ZNF471: variants seen among roughly 807,000 people sequenced by gnomAD.
ZNF471 encodes the protein EZFIT-related protein 1.
ZNF471 carries 7 observed loss-of-function variants against 13.7 expected under a neutral mutation model. The ratio of observed to expected loss-of-function variants is 0.51; its 90% CI spans 0.29 to 0.96. ZNF471 has a LOEUF of 0.96. Ranked by LOEUF, ZNF471 falls within the 40% of genes least tolerant of loss-of-function variation. The probability of loss-of-function intolerance (pLI) is 0.08; values close to 1 mark genes in which losing one functional copy is unlikely to be tolerated. For synonymous variants in ZNF471, 218 were observed against 235.6 expected (o/e 0.93, Z 0.68); for missense variants, 663 against 743.3 (o/e 0.89, Z 1.26).
rs113307159 is a variant in ZNF471 at position 56,526,741 on chromosome 19, G to T, written c.*793G>T. ...ACAGCGTAAACAAAGCCATGGGGAA[G>T]TTCCAGCTGAGCAGAGCCCTCCACA... is the stretch of plus-strand genomic sequence containing the variant. On this transcript the variant is annotated 3_prime_UTR_variant, in exon 5 of 5. Transcript: ENST00000308031. 2 of 152,350 alleles carry T rather than the reference G, an allele frequency of 1.3e-5. No homozygotes were observed. Among genetic ancestry groups the T allele is most frequent in the Admixed American group, 6.5e-5 (1 of 15,298 alleles). The allele number at this position is 152,350 out of a possible 1,614,324, so 9.4% of individuals were successfully genotyped here.
rs1345994158 is a variant in ZNF471, at chr19:56,525,044, C to G, written c.977C>G (p.Ala326Gly). ...TATGAATGTAAAGAATGTGGCAAAGCCTTCAGTGATGGCTCGTCTTTTGCT... is the reference window on the plus strand; with the variant it reads ...TATGAATGTAAAGAATGTGGCAAAGGCTTCAGTGATGGCTCGTCTTTTGCT... The part of the protein sequence containing the change: ...KPYECKECGK[A>G]FSDGSSFARH... The change falls in exon 5 of 5, where the codon GCC (alanine) becomes GGC (glycine). Residue 326 changes from alanine to glycine, a missense_variant. By Grantham distance (60) the Ala-to-Gly change is moderately conservative. Transcript: ENST00000308031. The G allele has an allele frequency of 6.2e-7, 1 of 1,613,720 alleles. No individual in the cohort carries two copies. The highest frequency in any genetic ancestry group is 8.5e-7 in the Non-Finnish European group (1 of 1,179,918).
At chr19:56,521,630 C>T (rs1227710795) in intron 4 of ZNF471, among the ~76,000 whole-genome samples, 1 of 112,918 alleles carries the variant, frequency 8.9e-6, no homozygotes, top group Non-Finnish European at 1.7e-5. Flanking sequence ...CAGAGCAAGA[C>T]TCTGTCTCAA....
chr19:56,510,993 G>T lies in ZNF471; in HGVS notation c.-55-524G>T. On this transcript the variant is annotated intron_variant, in intron 1 of 4. Coordinates refer to ENST00000308031, the MANE Select transcript of ZNF471 (RefSeq NM_020813.4). This position sits in a 1 kb window ranked among gnomAD's most constrained non-coding sequence, Gnocchi z 4.3. Reference sequence around the variant, plus strand: ...TTCAGGGTGAGGAAAGTGAAACAGTGCCGGGGGGTGGGTCAGGGATGCAGT... The same window carrying T: ...TTCAGGGTGAGGAAAGTGAAACAGTTCCGGGGGGTGGGTCAGGGATGCAGT... 1.0e-6 allele frequency: 1 copy of T among 983,144 alleles called. No homozygotes were observed. The highest frequency in any genetic ancestry group is 4.7e-5 in the South Asian group (1 of 21,296). The allele number at this position is 983,144 out of a possible 1,614,324, so 60.9% of individuals were successfully genotyped here. A position where few individuals can be genotyped will look rare whatever the true frequency, so the allele number is the denominator to read the frequency against.
In ZNF471 at chr19:56,523,765, C is replaced by T. The variant is rs188440927; in HGVS notation, c.257-559C>T. On this transcript the variant is annotated intron_variant, in intron 4 of 4. Coordinates refer to ENST00000308031, the MANE Select transcript of ZNF471 (RefSeq NM_020813.4). ...AGGTCAATACAGGCATGAAATATTA[C>T]CATTGCAGACTACTTCTCTAGGATT... 2.0e-5 allele frequency among the ~76,000 whole-genome samples: 3 copies of T among 152,230 alleles called. No individual in the cohort carries two copies. The East Asian group carries it at 5.8e-4, about 29-fold the overall frequency.
rs759157669 is a variant in ZNF471, at chr19:56,524,809, C to T, written c.742C>T (p.His248Tyr). The change falls in exon 5 of 5, where the codon CAC becomes TAC. Residue 248 changes from histidine (H) to tyrosine (Y), a missense_variant. Coordinates refer to ENST00000308031, the MANE Select transcript of ZNF471 (RefSeq NM_020813.4). The surrounding 1 kb of genome is among the most constrained non-coding windows in gnomAD (Gnocchi z 4.8). ...TGGAAAAGCCTTCAAGCAAAGGCAA[C>T]ACCTTGCTCAACATCACAGAACACA... ...ECGKAFKQRQHLAQHHRTHTG... is the reference protein window; with the variant it reads ...ECGKAFKQRQYLAQHHRTHTG... 1.8e-5 allele frequency: 29 copies of T among 1,612,964 alleles called. No homozygotes were observed. In the Admixed American group the frequency reaches 2.7e-4, roughly 15 times the overall value.
At position 56,527,637 on chromosome 19, in the gene ZNF471, C is replaced by T. The variant is rs1368334057; in HGVS notation, c.*1689C>T. On this transcript the variant is annotated 3_prime_UTR_variant, in exon 5 of 5. Transcript: ENST00000308031. The stretch of plus-strand genomic sequence containing the variant: ...CAGTTTAGAGAAGAACATAAATGAC[C>T]TGATGGAGCTGAAAAACACAGCATG... 2 of 152,164 alleles carry T rather than the reference C, an allele frequency of 1.3e-5. No homozygotes were observed. Among genetic ancestry groups the T allele is most frequent in the Non-Finnish European group, 2.9e-5 (2 of 68,034 alleles). The allele number at this position is 152,164 out of a possible 1,614,324, so 9.4% of individuals were successfully genotyped here.
At chr19:56,511,378 G>T in intron 1 of ZNF471, 139 bp from the exon 2 acceptor site, 1 of 581,372 alleles carries the variant, frequency 1.7e-6, no homozygotes, top group Non-Finnish European at 2.9e-6. Flanking sequence ...ATGAGTTTTA[G>T]CCCTTCAGTG....
chr19:56,518,208 C>T (rs1023652282), intron 3 of ZNF471, among the ~76,000 whole-genome samples: 22 of 152,158 alleles, frequency 1.4e-4, no homozygotes, highest in Admixed American at 1.4e-3. Context: ...TTTCTAGGGA[C>T]CTTTTAAAAT....
At position 56,524,504 on chromosome 19, in the gene ZNF471, T is replaced by G. The variant is rs2044016972; in HGVS notation, c.437T>G (p.Ile146Arg). ...CATGAGATGTTTAGCAAGAAAGAAA[T>G]AATCACTCATAAAGAAACCATCACT... ...GSHEMFSKKE[I>R]ITHKETITKE... The change falls in exon 5 of 5, where the codon ATA becomes AGA. Residue 146 changes from isoleucine to arginine, a missense_variant. Transcript: ENST00000308031. This position sits in a 1 kb window ranked among gnomAD's most constrained non-coding sequence, Gnocchi z 4.8. The G allele has an allele frequency of 1.2e-6, 2 of 1,608,952 alleles. No individual in the cohort carries two copies. The highest frequency in any genetic ancestry group is 1.7e-6 in the Non-Finnish European group (2 of 1,178,706).
rs751154063 is a variant in ZNF471 at position 56,525,700 on chromosome 19, T to C, written c.1633T>C (p.Cys545Arg). 6.8e-6 allele frequency: 11 copies of C among 1,613,862 alleles called. No homozygotes were observed. The highest frequency in any genetic ancestry group is 1.7e-5 in the Admixed American group (1 of 60,010). The change falls in exon 5 of 5, where the codon TGT (cysteine) becomes CGT (arginine). Residue 545 changes from cysteine to arginine, a missense_variant. Cys to Arg is a radical substitution (Grantham distance 180). Transcript: ENST00000308031. ...TCATACAGGAGAGAAACCTTATGAGTGTAATGAATGCGGGAAAGCCTTCAG... is the reference window on the plus strand; with the variant it reads ...TCATACAGGAGAGAAACCTTATGAGCGTAATGAATGCGGGAAAGCCTTCAG... Reference protein sequence around the residue: ...KTHTGEKPYECNECGKAFSQT... With the variant: ...KTHTGEKPYERNECGKAFSQT...
rs2043981377 is a variant in ZNF471 at position 56,522,052 on chromosome 19, C to T, written c.257-2272C>T. On this transcript the variant is annotated intron_variant, in intron 4 of 4. Transcript: ENST00000308031. The surrounding 1 kb of genome is among the most constrained non-coding windows in gnomAD (Gnocchi z 4.1). Reference sequence around the variant, plus strand: ...TTGTGCTTCAGTTGCCTATAGTATTCAGTGGTAACATGTTGTGCAGGCTTG... The same window carrying T: ...TTGTGCTTCAGTTGCCTATAGTATTTAGTGGTAACATGTTGTGCAGGCTTG... Among the ~76,000 whole-genome samples the T allele has an allele frequency of 6.6e-6, 1 of 152,156 alleles. No homozygotes were observed.
chr19:56,524,458 T>G lies in ZNF471; in HGVS notation c.391T>G (p.Phe131Val), dbSNP rs1176281522. 5 of 1,613,740 alleles carry G rather than the reference T, an allele frequency of 3.1e-6. No individual in the cohort carries two copies. Among genetic ancestry groups the G allele is most frequent in the Non-Finnish European group, 4.2e-6 (5 of 1,179,960 alleles). ...AGAAAATTGGAAATGGGAAGACCTTTTTGAGAAGCAGATGGGAAGTCATGA... is the reference window on the plus strand; with the variant it reads ...AGAAAATTGGAAATGGGAAGACCTTGTTGAGAAGCAGATGGGAAGTCATGA... The part of the protein sequence containing the change: ...FEENWKWEDL[F>V]EKQMGSHEMF... Residue 131 changes from phenylalanine (F) to valine (V), a missense_variant, in exon 5 of 5, where the codon TTT becomes GTT. Transcript: ENST00000308031. The surrounding 1 kb of genome is among the most constrained non-coding windows in gnomAD (Gnocchi z 4.8).
At position 56,508,649 on chromosome 19, in the gene ZNF471, CTG is replaced by C. The variant is rs1429245249; in HGVS notation, c.-56+732_-56+733del. Among the ~76,000 whole-genome samples the C allele has an allele frequency of 6.6e-6, 1 of 151,236 alleles. No homozygotes were observed. On this transcript the variant is annotated intron_variant, in intron 1 of 4. Coordinates refer to ENST00000308031, the MANE Select transcript of ZNF471 (RefSeq NM_020813.4). This position sits in a 1 kb window ranked among gnomAD's most constrained non-coding sequence, Gnocchi z 4.7. Reference sequence around the variant, plus strand: ...GACTGTGCAAGAACAGAGTGTGAGACTGTGGTATGTTAATGTGTGAAAGGGAG... The same window carrying C: ...GACTGTGCAAGAACAGAGTGTGAGACTGGTATGTTAATGTGTGAAAGGGAG...
intron 2 of ZNF471, among the ~76,000 whole-genome samples, chr19:56,514,059 A>ATTTTTTTTT (rs57705988): frequency 2.6e-5 from 3 of 116,674 alleles, no homozygotes; most frequent in Non-Finnish European, 3.5e-5. Context: ...TAACTTTTTA[A>ATTTTTTTTT]TTTTTTTTTT....
In ZNF471 at chr19:56,508,336, TGAGA is replaced by T. The variant is rs769335015; in HGVS notation, c.-56+421_-56+424del. Among the ~76,000 whole-genome samples the T allele has an allele frequency of 6.6e-6, 1 of 151,206 alleles. No homozygotes were observed. Among genetic ancestry groups the T allele is most frequent in the Admixed American group, 6.6e-5 (1 of 15,208 alleles). ...GGCCAGTGTGAGAGACCAGTGAGTG[TGAGA>T]GAGATAGGGATGTGCCTGCATTTGA... is the stretch of plus-strand genomic sequence containing the variant. On this transcript the variant is annotated intron_variant, in intron 1 of 4. Transcript: ENST00000308031. The surrounding 1 kb of genome is among the most constrained non-coding windows in gnomAD (Gnocchi z 4.7).
rs780495153 is a variant in ZNF471 at position 56,525,620 on chromosome 19, T to C, written c.1553T>C (p.Ile518Thr). 12 of 1,613,912 alleles carry C rather than the reference T, an allele frequency of 7.4e-6. No homozygotes were observed. In the African/African-American group the frequency reaches 9.4e-5, roughly 13 times the overall value. ...ACTGGAGAGAAGCCTTATGAATGTA[T>C]TGAATGTGGAAATGCTTTCAAACAG... ...IHTGEKPYECIECGNAFKQRS... is the reference protein window; with the variant it reads ...IHTGEKPYECTECGNAFKQRS... Residue 518 changes from isoleucine (I) to threonine (T), a missense_variant, in exon 5 of 5, where the codon ATT becomes ACT. Transcript: ENST00000308031.
Position 56,511,604 on chromosome 19 carries a change from G to A in ZNF471, c.33G>A (p.Gln11=), listed in dbSNP as rs766883710. The part of the protein sequence containing the change: MNVEVVKVMP[Q]DLVTFKDVAI... Reference sequence around the variant, plus strand: ...TTGAAGTAGTAAAAGTCATGCCCCAGGTTAGTGGATATTTTCTTTCTCTTC... The same window carrying A: ...TTGAAGTAGTAAAAGTCATGCCCCAAGTTAGTGGATATTTTCTTTCTCTTC... The change falls in exon 2 of 5, where the codon CAG becomes CAA. Residue 11 remains glutamine (Q), a splice_region_variant and synonymous_variant. Transcript: ENST00000308031. 3 of 1,612,024 alleles carry A rather than the reference G, an allele frequency of 1.9e-6. No individual in the cohort carries two copies. The highest frequency in any genetic ancestry group is 2.2e-5 in the East Asian group (1 of 44,842).
Position 56,511,593 on chromosome 19 carries a change from GT to G in ZNF471, c.23del (p.Val8AlafsTer6). MNVEVVK[V>X]MPQDLVTFKD... Reference sequence around the variant, plus strand: ...AAAAATGAATGTTGAAGTAGTAAAAGTCATGCCCCAGGTTAGTGGATATTTT... The same window carrying G: ...AAAAATGAATGTTGAAGTAGTAAAAGCATGCCCCAGGTTAGTGGATATTTT... On this transcript the variant is annotated frameshift_variant, in exon 2 of 5. Transcript: ENST00000308031. LOFTEE classifies it high-confidence loss of function. 3 of 1,613,644 alleles carry G rather than the reference GT, an allele frequency of 1.9e-6. No individual in the cohort carries two copies. Among genetic ancestry groups the G allele is most frequent in the South Asian group, 1.1e-5 (1 of 91,080 alleles).
intron 4 of ZNF471, among the ~76,000 whole-genome samples, chr19:56,519,183 T>A (rs1170723346): frequency 6.6e-6 from 1 of 152,168 alleles, no homozygotes; most frequent in Admixed American, 6.5e-5. Context: ...CTTGGGAGAC[T>A]AGATGGCTCC....
Sources: allele counts gnomAD v4.1 joint callset (sites outside exome capture counted in the v4.1 genomes callset), GRCh38; gene constraint gnomAD v4.1.1; non-coding constraint Gnocchi (gnomAD v3.1); transcripts MANE v1.5; gene names NCBI Gene and HGNC (gene_info 2026-07-23, HGNC 2026-07-21).